Variants in TM9SF3 observed in about 807,000 individuals in gnomAD.
The protein encoded by TM9SF3 is SM-11044-binding protein.
A neutral mutation model predicts 78.6 loss-of-function variants in TM9SF3; 14 were observed. The observed-to-expected ratio is 0.18, with a 90% CI of 0.12 to 0.28. The LOEUF is 0.28. Ranked by LOEUF, TM9SF3 falls within the 10% of genes least tolerant of loss-of-function variation. TM9SF3 has a pLI of 1.00. For missense variants in TM9SF3, 496 were observed against 721.9 expected, an observed-to-expected ratio of 0.69 and a Z score of 3.59; for synonymous variants, 231 against 241.7, an observed-to-expected ratio of 0.96 and a Z score of 0.41.
chr10:96,556,237 T>G (rs1848232371), intron 5 of TM9SF3, among the ~76,000 whole-genome samples: 1 of 2,886 alleles, frequency 3.5e-4, no homozygotes, highest in Non-Finnish European at 2.8e-3. Flanking sequence ...CACCCTCAAT[T>G]TGTCATAAAT....
At chr10:96,578,537 G>T (rs1404932212) in intron 1 of TM9SF3, among the ~76,000 whole-genome samples, 12 of 152,160 alleles carry the variant, frequency 7.9e-5, no homozygotes, top group Non-Finnish European at 1.5e-5. Context: ...TCTTCACATA[G>T]GAAGTAATGA....
At chr10:96,541,252 T>C (rs749483701) in intron 9 of TM9SF3, among the ~76,000 whole-genome samples, 1 of 152,234 alleles carries the variant, frequency 6.6e-6, no homozygotes, top group Non-Finnish European at 1.5e-5. Context: ...CCAGAACATC[T>C]TGGCGAATCC....
At chr10:96,546,716 A>G (rs1186807718) in intron 8 of TM9SF3, among the ~76,000 whole-genome samples, 3 of 152,198 alleles carry the variant, frequency 2.0e-5, no homozygotes, top group African/African-American at 7.2e-5. Context: ...TACAGGTCAC[A>G]TTAAGTCTAG....
chr10:96,579,683 A>G (rs914332455), intron 1 of TM9SF3, among the ~76,000 whole-genome samples: 1 of 152,172 alleles, frequency 6.6e-6, no homozygotes, highest in African/African-American at 2.4e-5. Context: ...AGAAATACAC[A>G]TACTGAGAGT....
chr10:96,527,586 C>G (rs1847853300), intron 12 of TM9SF3, 90 bp from the exon 13 acceptor site: 8 of 962,704 alleles, frequency 8.3e-6, no homozygotes, highest in Non-Finnish European at 1.2e-5. Context: ...AATAAAACAT[C>G]CTTTAAAGTC....
intron 2 of TM9SF3, among the ~76,000 whole-genome samples, chr10:96,575,004 A>G (rs553334224): frequency 3.3e-5 from 5 of 152,030 alleles, no homozygotes; most frequent in Non-Finnish European, 5.9e-5. Context: ...GCAAACCACC[A>G]TGGCATGTGT....
intron 9 of TM9SF3, among the ~76,000 whole-genome samples, chr10:96,541,312 A>T (rs1809491975): frequency 1.3e-5 from 2 of 152,174 alleles, no homozygotes. Flanking sequence ...TGGGTAGAGC[A>T]TCTAAATCAT....
At chr10:96,557,342 T>C (rs1221300194) in intron 5 of TM9SF3, among the ~76,000 whole-genome samples, 2 of 152,168 alleles carry the variant, frequency 1.3e-5, no homozygotes, top group East Asian at 3.8e-4. Context: ...CCACTCAGAC[T>C]GAAAACCCTA....
At chr10:96,552,618 G>C (rs1171662251) in intron 6 of TM9SF3, among the ~76,000 whole-genome samples, 1 of 152,020 alleles carries the variant, frequency 6.6e-6, no homozygotes, top group Non-Finnish European at 1.5e-5. Context: ...ATTTTAAGCA[G>C]TATTTAACAG....
intron 2 of TM9SF3, among the ~76,000 whole-genome samples, chr10:96,565,783 T>C (rs555668220): frequency 3.3e-5 from 5 of 152,230 alleles, no homozygotes; most frequent in South Asian, 2.1e-4. Context: ...ATTTAATATA[T>C]ACAAAAGCTC....
At chr10:96,578,144 C>G (rs1848519120) in intron 1 of TM9SF3, among the ~76,000 whole-genome samples, 1 of 152,136 alleles carries the variant, frequency 6.6e-6, no homozygotes, top group Non-Finnish European at 1.5e-5. Context: ...GATTATCACC[C>G]TAAGACTTAG....
rs182401603 is a variant in TM9SF3, at chr10:96,519,111, T to C, written c.*3152A>G. The C allele has an allele frequency of 1.8e-4, 27 of 152,184 alleles. No individual in the cohort carries two copies. The East Asian group carries it at 5.0e-3, about 28-fold the overall frequency. 9.4% of individuals were successfully genotyped at this position (152,184 alleles called of 1,614,324 possible). A position where few individuals can be genotyped will look rare whatever the true frequency, so the allele number is the denominator to read the frequency against. Reference sequence around the variant, plus strand: ...ATACATTAATACACTTTTTGTTTTTTACATTTGTAAAAATTCAAGGTTTTA... The same window carrying C: ...ATACATTAATACACTTTTTGTTTTTCACATTTGTAAAAATTCAAGGTTTTA... On this transcript the variant is annotated 3_prime_UTR_variant, in exon 15 of 15. Transcript: ENST00000371142.
chr10:96,562,970 T>C (rs767329619), intron 3 of TM9SF3, among the ~76,000 whole-genome samples: 1 of 152,252 alleles, frequency 6.6e-6, no homozygotes, highest in Non-Finnish European at 1.5e-5. Flanking sequence ...TATAATCATA[T>C]TTATAAAATA....
chr10:96,572,307 T>C (rs1848445448), intron 2 of TM9SF3, among the ~76,000 whole-genome samples: 2 of 151,764 alleles, frequency 1.3e-5, no homozygotes, highest in Admixed American at 1.3e-4. Flanking sequence ...AGATAAGCAA[T>C]ACGAGATCAA....
At chr10:96,529,173 G>T (rs1847870115) in intron 11 of TM9SF3, among the ~76,000 whole-genome samples, 1 of 152,138 alleles carries the variant, frequency 6.6e-6, no homozygotes, top group Non-Finnish European at 1.5e-5. Flanking sequence ...TTCCTGAACT[G>T]ACTTTAATAA....
At chr10:96,545,485 A>C (rs1848086473) in intron 8 of TM9SF3, among the ~76,000 whole-genome samples, 1 of 152,230 alleles carries the variant, frequency 6.6e-6, no homozygotes, top group Non-Finnish European at 1.5e-5. Context: ...GCATTGGAAC[A>C]ATACAAAAAG....
At position 96,580,264 on chromosome 10, in the gene TM9SF3, TTG is replaced by T. The variant is rs34141133; in HGVS notation, c.103-3437_103-3436del. On this transcript the variant is annotated intron_variant, in intron 1 of 14. Transcript: ENST00000371142. ...CTTCCTCCCCTTTTCTGCTTCATCT[TTG>T]TGTGTGTGTGTGTGTGTGAGACGGA... Among the ~76,000 whole-genome samples, 1,308 of 150,732 alleles carry T rather than the reference TTG, an allele frequency of 8.7e-3. 23 individuals are homozygous for T. The highest frequency in any genetic ancestry group is 0.03 in the African/African-American group (1,240 of 41,020).
intron 9 of TM9SF3, among the ~76,000 whole-genome samples, chr10:96,535,496 A>T (rs911691479): frequency 4.6e-5 from 7 of 152,222 alleles, no homozygotes; most frequent in African/African-American, 1.4e-4. Context: ...TCAGTGTTAA[A>T]AATACTTAAT....
At chr10:96,559,249 A>G (rs1848273245) in intron 5 of TM9SF3, among the ~76,000 whole-genome samples, 2 of 152,076 alleles carry the variant, frequency 1.3e-5, no homozygotes, top group Non-Finnish European at 2.9e-5. Flanking sequence ...ATACTCTCTG[A>G]GTGTGTTAAG....
Sources: allele counts gnomAD v4.1 joint callset (sites outside exome capture counted in the v4.1 genomes callset), GRCh38; gene constraint gnomAD v4.1.1; transcripts MANE v1.5; gene names NCBI Gene and HGNC (gene_info 2026-07-23, HGNC 2026-07-21).